DLG2: variants seen among roughly 807,000 people sequenced by gnomAD.
The protein encoded by DLG2 is discs large MAGUK scaffold protein 2.
Under a neutral mutation model 132.5 loss-of-function variants are expected in DLG2, and 45 were observed. That is an observed-to-expected ratio of 0.34 (90% confidence interval 0.27 to 0.44). The LOEUF is 0.44. Among genes scored for constraint, DLG2 ranks in the 20% least tolerant of loss-of-function variants. DLG2 has a pLI of 1.00. For missense variants in DLG2, 1,045 were observed against 1,196.9 expected (o/e 0.87, Z 1.87); for synonymous variants, 424 against 419.6 (o/e 1.01, Z -0.13).
intron 6 of DLG2, among the ~76,000 whole-genome samples, chr11:84,714,627 C>CTCTCTT (rs2060960922): frequency 9.3e-6 from 1 of 107,288 alleles, no homozygotes; most frequent in Admixed American, 9.2e-5. Flanking sequence ...TTCTCTTTCT[C>CTCTCTT]TCTCTCTCTC....
chr11:83,800,325 A>G (rs942697419), intron 17 of DLG2, among the ~76,000 whole-genome samples: 1 of 152,204 alleles, frequency 6.6e-6, no homozygotes, highest in Non-Finnish European at 1.5e-5. Flanking sequence ...TAATAAACAA[A>G]TATATTCTAT....
At chr11:84,184,826 G>A (rs1387758868) in intron 8 of DLG2, among the ~76,000 whole-genome samples, 1 of 151,998 alleles carries the variant, frequency 6.6e-6, no homozygotes, top group Non-Finnish European at 1.5e-5. Context: ...ATTAAATAGG[G>A]AATCCTTTCC....
chr11:84,363,350 T>G (rs1328733863), intron 7 of DLG2, among the ~76,000 whole-genome samples: 4 of 151,708 alleles, frequency 2.6e-5, no homozygotes. Context: ...CACTTTTTGA[T>G]GGGGTTGTTG....
chr11:84,408,958 G>A lies in DLG2; in HGVS notation c.519+125612C>T, dbSNP rs572584191. On this transcript the variant is annotated intron_variant, in intron 7 of 27. Transcript: ENST00000376104. ...TCATCCTCCACACTGCTGACAGAAC[G>A]ATCCTGCTGCTAATCTGATCACATC... Among the ~76,000 whole-genome samples the A allele has an allele frequency of 2.0e-5, 3 of 152,162 alleles. No individual in the cohort carries two copies. In the East Asian group the frequency reaches 5.8e-4, roughly 29 times the overall value.
intron 4 of DLG2, among the ~76,000 whole-genome samples, chr11:85,219,293 G>A (rs2152596250): frequency 6.6e-6 from 1 of 152,150 alleles, no homozygotes; most frequent in Non-Finnish European, 1.5e-5. Flanking sequence ...CTGGTCTCTA[G>A]GCTAGATTAT....
chr11:84,159,463 C>A (rs1596343983), intron 9 of DLG2, among the ~76,000 whole-genome samples: 1 of 151,920 alleles, frequency 6.6e-6, no homozygotes, highest in African/African-American at 2.4e-5. Flanking sequence ...ACAATTTTTC[C>A]AGGCAGCTAG....
chr11:84,306,020 A>C (rs2098214050), intron 7 of DLG2, among the ~76,000 whole-genome samples: 1 of 152,160 alleles, frequency 6.6e-6, no homozygotes, highest in South Asian at 2.1e-4. Context: ...TATCAAGTTA[A>C]AATATTTGAT....
rs1055987256 is a variant in DLG2 at position 84,183,799 on chromosome 11, C to G, written c.574-20288G>C. Among the ~76,000 whole-genome samples, 43 of 152,084 alleles carry G rather than the reference C, an allele frequency of 2.8e-4. 2 individuals are homozygous for G. Among genetic ancestry groups the G allele is most frequent in the Non-Finnish European group, 7.3e-5 (5 of 68,032 alleles). ...GTCCATGTGTTCTCATTGTTCAATT[C>G]CCACCTATGAATGAGAACATGTGGT... is the stretch of plus-strand genomic sequence containing the variant. On this transcript the variant is annotated intron_variant, in intron 8 of 27. Transcript: ENST00000376104.
At chr11:85,594,409 T>C (rs1357428451) in intron 3 of DLG2, among the ~76,000 whole-genome samples, 1 of 152,184 alleles carries the variant, frequency 6.6e-6, no homozygotes, top group African/African-American at 2.4e-5. Context: ...TTGCCACTGG[T>C]AGAGTTTTTT....
chr11:84,528,165 G>A (rs910393087), intron 7 of DLG2, among the ~76,000 whole-genome samples: 1 of 152,090 alleles, frequency 6.6e-6, no homozygotes, highest in Non-Finnish European at 1.5e-5. Context: ...AAAGTGAGAA[G>A]ACCTAAACTG....
intron 4 of DLG2, among the ~76,000 whole-genome samples, chr11:85,234,905 A>T (rs747296947): frequency 1.3e-5 from 2 of 151,994 alleles, no homozygotes; most frequent in Non-Finnish European, 2.9e-5. Context: ...ATCACCACAG[A>T]CACAAATTAA....
At chr11:85,212,133 G>C (rs987776458) in intron 4 of DLG2, among the ~76,000 whole-genome samples, 1 of 151,912 alleles carries the variant, frequency 6.6e-6, no homozygotes, top group Admixed American at 6.6e-5. Context: ...TCATGATGTA[G>C]ATATAAACTT....
chr11:83,658,525 C>T (rs1049805367), intron 18 of DLG2, among the ~76,000 whole-genome samples: 3 of 152,178 alleles, frequency 2.0e-5, no homozygotes, highest in Non-Finnish European at 4.4e-5. Flanking sequence ...GTAACTGACA[C>T]CATTTGACTT....
At chr11:83,783,276 C>T (rs538981600) in intron 18 of DLG2, among the ~76,000 whole-genome samples, 90 of 152,232 alleles carry the variant, frequency 5.9e-4, no homozygotes, top group Non-Finnish European at 1.0e-3. Flanking sequence ...GAGACAAGCT[C>T]ATTTTAAGCA....
chr11:83,827,410 A>G (rs1344380225), intron 17 of DLG2, among the ~76,000 whole-genome samples: 1 of 152,152 alleles, frequency 6.6e-6, no homozygotes, highest in Non-Finnish European at 1.5e-5. Context: ...AATTTTTGAA[A>G]TACCCATGTC....
intron 7 of DLG2, among the ~76,000 whole-genome samples, chr11:84,468,530 A>G (rs1169931219): frequency 1.3e-5 from 2 of 151,498 alleles, no homozygotes; most frequent in Non-Finnish European, 3.0e-5. Flanking sequence ...CCACATTCTT[A>G]TATCTTTGCC....
chr11:84,222,445 G>A (rs536468854), intron 8 of DLG2, among the ~76,000 whole-genome samples: 103 of 152,150 alleles, frequency 6.8e-4, no homozygotes, highest in Non-Finnish European at 1.3e-3. Flanking sequence ...ATTCAAATAC[G>A]ATTCATAAAT....
chr11:85,336,556 G>C (rs2082146898), intron 3 of DLG2: 1 of 160,142 alleles, frequency 6.2e-6, no homozygotes, highest in Admixed American at 6.5e-5. Flanking sequence ...GAGACCTCAG[G>C]GCCCTTCTCC....
chr11:83,624,695 T>C (rs1391917860), intron 19 of DLG2, among the ~76,000 whole-genome samples: 1 of 152,248 alleles, frequency 6.6e-6, no homozygotes, highest in African/African-American at 2.4e-5. Context: ...CTAGGTACTA[T>C]GTCCATTTTA....
Sources: allele counts gnomAD v4.1 joint callset (sites outside exome capture counted in the v4.1 genomes callset), GRCh38; gene constraint gnomAD v4.1.1; transcripts MANE v1.5; gene names NCBI Gene and HGNC (gene_info 2026-07-23, HGNC 2026-07-21).